Variants in PEDS1 observed in about 807,000 individuals in gnomAD.
PEDS1 encodes the protein CarF homolog.
PEDS1 carries 14 observed loss-of-function variants against 35.2 expected under a neutral mutation model. That is an observed-to-expected ratio of 0.40 (90% confidence interval 0.26 to 0.62). The LOEUF (loss-of-function observed/expected upper bound fraction) is 0.62, where lower values mean the gene tolerates loss of function less well. PEDS1 is among the 20% of genes least tolerant of loss of function. The probability of loss-of-function intolerance (pLI) is 0.44; values close to 1 mark genes in which losing one functional copy is unlikely to be tolerated. For missense variants in PEDS1, 260 were observed against 367.8 expected (o/e 0.71, Z 2.40); for synonymous variants, 152 against 152.0 (o/e 1.00, Z 0.00).
intron 2 of PEDS1, among the ~76,000 whole-genome samples, chr20:50,133,544 G>A (rs1446354068): frequency 1.3e-5 from 2 of 152,128 alleles, no homozygotes; most frequent in African/African-American, 2.4e-5. Context: ...TGATGGGGAG[G>A]GTGGACCCAG....
chr20:50,142,038 G>A (rs2081296454), intron 2 of PEDS1, among the ~76,000 whole-genome samples: 2 of 152,200 alleles, frequency 1.3e-5, no homozygotes, highest in South Asian at 4.1e-4. Flanking sequence ...GAAGGAAACT[G>A]AGTCATCCAG....
rs983489873 is a variant in PEDS1 at position 50,119,233 on chromosome 20, C to T, written c.*5825G>A. The T allele has an allele frequency of 9.2e-5, 14 of 151,754 alleles. No homozygotes were observed. The highest frequency in any genetic ancestry group is 2.9e-4 in the African/African-American group (12 of 41,284). The allele number at this position is 151,754 out of a possible 1,614,324, so 9.4% of individuals were successfully genotyped here. A position where few individuals can be genotyped will look rare whatever the true frequency, so the allele number is the denominator to read the frequency against. On this transcript the variant is annotated 3_prime_UTR_variant, in exon 6 of 6. Coordinates refer to ENST00000371652, the MANE Select transcript of PEDS1 (RefSeq NM_199129.4). ...ATTGCTTGAGCACAGGAGTTTGAGACGAGTCTGGGCAACAAAGCAAGACCC... is the reference window on the plus strand; with the variant it reads ...ATTGCTTGAGCACAGGAGTTTGAGATGAGTCTGGGCAACAAAGCAAGACCC...
At position 50,153,684 on chromosome 20, in the gene PEDS1, G is replaced by T. The variant is rs8121379; in HGVS notation, c.-47C>A. On this transcript the variant is annotated 5_prime_UTR_variant, in exon 1 of 6. Transcript: ENST00000371652. Reference sequence around the variant, plus strand: ...GGTGCGCTCTGCTGGCGGCGGCGGCGGCAGGGCCGCGGAACCGCGGCGAGA... The same window carrying T: ...GGTGCGCTCTGCTGGCGGCGGCGGCTGCAGGGCCGCGGAACCGCGGCGAGA... The T allele has an allele frequency of 4.3e-3, 5,164 of 1,201,302 alleles. 167 individuals carry two copies. The African/African-American group carries it at 0.07, about 16-fold the overall frequency. 74.4% of individuals were successfully genotyped at this position (1,201,302 alleles called of 1,614,324 possible).
At chr20:50,138,580 C>G (rs565431287) in intron 2 of PEDS1, among the ~76,000 whole-genome samples, 2 of 152,262 alleles carry the variant, frequency 1.3e-5, no homozygotes, top group East Asian at 3.9e-4. Context: ...CGCTGCCCAG[C>G]AGGGAGGGAT....
At chr20:50,132,013 G>A (rs1275922065) in intron 2 of PEDS1, among the ~76,000 whole-genome samples, 3 of 152,134 alleles carry the variant, frequency 2.0e-5, no homozygotes, top group Non-Finnish European at 4.4e-5. Flanking sequence ...AGACTAGCCT[G>A]GCCAACATGG....
rs2081059028 is a variant in PEDS1 at position 50,122,404 on chromosome 20, T to TA, written c.*2653dup. ...GAAAATGGCATTATGGGTCACGTTT[T>TA]AAAAAATAAATGTCATGGCTGGACG... On this transcript the variant is annotated 3_prime_UTR_variant, in exon 6 of 6. Transcript: ENST00000371652. 1 of 152,148 alleles carries TA rather than the reference T, an allele frequency of 6.6e-6. No individual in the cohort carries two copies. Among genetic ancestry groups the TA allele is most frequent in the African/African-American group, 2.4e-5 (1 of 41,450 alleles). 9.4% of individuals were successfully genotyped at this position (152,148 alleles called of 1,614,324 possible).
chr20:50,144,249 G>C (rs1195558569), intron 1 of PEDS1, among the ~76,000 whole-genome samples: 1 of 152,238 alleles, frequency 6.6e-6, no homozygotes, highest in Non-Finnish European at 1.5e-5. Flanking sequence ...GCTCTCTCTG[G>C]AGACACCTAA....
rs1488678301 is a variant in PEDS1, at chr20:50,122,739, C to T, written c.*2319G>A. 1 of 152,096 alleles carries T rather than the reference C, an allele frequency of 6.6e-6. No homozygotes were observed. The highest frequency in any genetic ancestry group is 1.5e-5 in the Non-Finnish European group (1 of 68,020). 9.4% of individuals were successfully genotyped at this position (152,096 alleles called of 1,614,324 possible). A position where few individuals can be genotyped will look rare whatever the true frequency, so the allele number is the denominator to read the frequency against. ...ATGTCTGTAGCGTTCACTACAGAAT[C>T]GCAGTACCTAGTTCATAGGAGATGC... On this transcript the variant is annotated 3_prime_UTR_variant, in exon 6 of 6. Transcript: ENST00000371652.
intron 1 of PEDS1, among the ~76,000 whole-genome samples, chr20:50,150,171 T>C (rs943070974): frequency 1.3e-5 from 2 of 151,850 alleles, no homozygotes; most frequent in Admixed American, 1.3e-4. Context: ...GCTCACACGG[T>C]TGTAGTGGGG....
At chr20:50,145,409 A>C (rs2081335363) in intron 1 of PEDS1, among the ~76,000 whole-genome samples, 1 of 151,744 alleles carries the variant, frequency 6.6e-6, no homozygotes, top group South Asian at 2.1e-4. Flanking sequence ...ATTAAAGGAA[A>C]TAAGGCCGGG....
chr20:50,144,480 G>A (rs1045675856), intron 1 of PEDS1, among the ~76,000 whole-genome samples: 8 of 152,206 alleles, frequency 5.3e-5, no homozygotes, highest in African/African-American at 7.2e-5. Flanking sequence ...AAAGTATGGC[G>A]TGTGGGCCAG....
chr20:50,132,228 T>C (rs563407830), intron 2 of PEDS1, among the ~76,000 whole-genome samples: 2 of 152,134 alleles, frequency 1.3e-5, no homozygotes, highest in Non-Finnish European at 2.9e-5. Flanking sequence ...TAAAAGGGAA[T>C]GATGCTAACA....
Position 50,143,511 on chromosome 20 carries a change from G to T in PEDS1, c.232C>A (p.Leu78Ile), listed in dbSNP as rs776067129. Residue 78 changes from leucine (L) to isoleucine (I), a missense_variant, in exon 2 of 6, where the codon CTC (leucine) becomes ATC (isoleucine). Transcript: ENST00000371652. ...ARWEDTPLVI[L>I]GVVAGALIAD... Reference sequence around the variant, plus strand: ...TGCCTCGGGCACTCACCAACACCGAGTATGACGAGGGGTGTGTCCTCCCAG... The same window carrying T: ...TGCCTCGGGCACTCACCAACACCGATTATGACGAGGGGTGTGTCCTCCCAG... 2.5e-6 allele frequency: 4 copies of T among 1,607,836 alleles called. No homozygotes were observed. In the Admixed American group the frequency reaches 6.8e-5, roughly 28 times the overall value.
At chr20:50,135,680 AAAG>A (rs2081227165) in intron 2 of PEDS1, among the ~76,000 whole-genome samples, 1 of 151,550 alleles carries the variant, frequency 6.6e-6, no homozygotes, top group Non-Finnish European at 1.5e-5. Flanking sequence ...AAAAAAAAAA[AAAG>A]CATTTCCAGC....
intron 5 of PEDS1, among the ~76,000 whole-genome samples, chr20:50,127,340 G>T (rs1209627652): frequency 1.1e-5 from 1 of 87,184 alleles, no homozygotes; most frequent in African/African-American, 5.0e-5. Context: ...GTGTTTTCTG[G>T]TTTTTTTTTT....
chr20:50,145,170 C>G (rs1327643752), intron 1 of PEDS1, among the ~76,000 whole-genome samples: 1 of 151,860 alleles, frequency 6.6e-6, no homozygotes, highest in Non-Finnish European at 1.5e-5. Flanking sequence ...CCACTGCACT[C>G]CAGCCTGGGC....
In PEDS1 at chr20:50,122,539, C is replaced by T. The variant is rs2081060157; in HGVS notation, c.*2519G>A. The T allele has an allele frequency of 6.6e-6, 1 of 152,146 alleles. No homozygotes were observed. The highest frequency in any genetic ancestry group is 6.6e-5 in the Admixed American group (1 of 15,256). 9.4% of individuals were successfully genotyped at this position (152,146 alleles called of 1,614,324 possible). A position where few individuals can be genotyped will look rare whatever the true frequency, so the allele number is the denominator to read the frequency against. On this transcript the variant is annotated 3_prime_UTR_variant, in exon 6 of 6. Transcript: ENST00000371652. ...CCAACATGCTGAAACCCCATCTCTA[C>T]TAAAAATACGAAAATTAGCCGGGCA...
chr20:50,140,327 T>C (rs2081279783), intron 2 of PEDS1, among the ~76,000 whole-genome samples: 1 of 152,224 alleles, frequency 6.6e-6, no homozygotes, highest in Non-Finnish European at 1.5e-5. Flanking sequence ...CCCCCAGCCA[T>C]CTTCCCTGCA....
rs753947305 is a variant in PEDS1 at position 50,130,952 on chromosome 20, G to A, written c.242-5C>T. The A allele has an allele frequency of 1.9e-6, 3 of 1,614,180 alleles. No homozygotes were observed. The highest frequency in any genetic ancestry group is 8.5e-7 in the Non-Finnish European group (1 of 1,180,034). On this transcript the variant is annotated splice_region_variant and splice_polypyrimidine_tract_variant and intron_variant, in intron 2 of 5. Coordinates refer to ENST00000371652, the MANE Select transcript of PEDS1 (RefSeq NM_199129.4). ...CAGCAATGAGAGCCCCTGCAACTGTGGACAAGAGGGTGAGTGAAGGGACAT... is the reference window on the plus strand; with the variant it reads ...CAGCAATGAGAGCCCCTGCAACTGTAGACAAGAGGGTGAGTGAAGGGACAT...
Sources: allele counts gnomAD v4.1 joint callset (sites outside exome capture counted in the v4.1 genomes callset), GRCh38; gene constraint gnomAD v4.1.1; transcripts MANE v1.5; gene names NCBI Gene and HGNC (gene_info 2026-07-23, HGNC 2026-07-21).